Variants in NCAM1 observed in about 807,000 individuals in gnomAD.
NCAM1 encodes antigen recognized by monoclonal antibody 5.1H11.
A neutral mutation model predicts 109.8 loss-of-function variants in NCAM1; 14 were observed. The ratio of observed to expected loss-of-function variants is 0.13; its 90% CI spans 0.08 to 0.20. The LOEUF (loss-of-function observed/expected upper bound fraction) is 0.20, where lower values mean the gene tolerates loss of function less well. Ranked by LOEUF, NCAM1 falls within the 10% of genes least tolerant of loss-of-function variation. The probability of loss-of-function intolerance (pLI) is 1.00; values close to 1 mark genes in which losing one functional copy is unlikely to be tolerated. For synonymous variants in NCAM1, 418 were observed against 442.9 expected (o/e 0.94, Z 0.70); for missense variants, 774 against 1,109.9 (o/e 0.70, Z 4.30).
rs146247917 is a variant in NCAM1, at chr11:113,005,062, T to C, written c.52+43398T>C. On this transcript the variant is annotated intron_variant, in intron 1 of 19. Coordinates refer to ENST00000316851, the MANE Select transcript of NCAM1 (RefSeq NM_181351.5). ...TGATGTTCTGTCCTCCCCCAAGCTC[T>C]TGTTTTATAGATGTAGTATATTCCT... is the stretch of plus-strand genomic sequence containing the variant. Among the ~76,000 whole-genome samples the C allele has an allele frequency of 7.9e-5, 12 of 152,314 alleles. No individual in the cohort carries two copies. The East Asian group carries it at 1.9e-3, about 25-fold the overall frequency.
intron 1 of NCAM1, among the ~76,000 whole-genome samples, chr11:113,150,547 A>T (rs529085491): frequency 3.3e-5 from 5 of 152,208 alleles, no homozygotes; most frequent in Non-Finnish European, 7.3e-5. Context: ...TAGCACCAAT[A>T]TAGGCGCTGG....
chr11:113,018,092 T>A lies in NCAM1; in HGVS notation c.52+56428T>A, dbSNP rs552226473. Among the ~76,000 whole-genome samples, 7 of 152,278 alleles carry A rather than the reference T, an allele frequency of 4.6e-5. 1 individual carries two copies. In the South Asian group the frequency reaches 1.5e-3, roughly 32 times the overall value. On this transcript the variant is annotated intron_variant, in intron 1 of 19. Coordinates refer to ENST00000316851, the MANE Select transcript of NCAM1 (RefSeq NM_181351.5). ...TCTGAGGTTTAGATCTTACTTCTCT[T>A]ATGCTGTCCTGTTGGCCTATGACTT...
chr11:113,160,407 C>CA (rs1942563457), intron 1 of NCAM1, among the ~76,000 whole-genome samples: 1 of 152,150 alleles, frequency 6.6e-6, no homozygotes, highest in Non-Finnish European at 1.5e-5. Flanking sequence ...CCGAGGGCCC[C>CA]TTTTATGTTG....
intron 1 of NCAM1, among the ~76,000 whole-genome samples, chr11:113,051,325 CT>C (rs1432611845): frequency 5.9e-5 from 9 of 152,236 alleles, no homozygotes; most frequent in African/African-American, 1.9e-4. Context: ...GGGAGAGTTT[CT>C]TTTTTCCCCC....
intron 1 of NCAM1, among the ~76,000 whole-genome samples, chr11:113,160,254 T>C (rs1942556695): frequency 6.6e-6 from 1 of 152,150 alleles, no homozygotes; most frequent in African/African-American, 2.4e-5. Flanking sequence ...TCTCACCACA[T>C]TGGAGTTGAC....
chr11:112,980,010 C>T (rs1383882820), intron 1 of NCAM1, among the ~76,000 whole-genome samples: 1 of 151,738 alleles, frequency 6.6e-6, no homozygotes, highest in Non-Finnish European at 1.5e-5. Flanking sequence ...ATAGAAAGTA[C>T]TTCCTTGACC....
chr11:113,188,893 C>G (rs1186675676), intron 1 of NCAM1, among the ~76,000 whole-genome samples: 1 of 152,032 alleles, frequency 6.6e-6, no homozygotes, highest in Non-Finnish European at 1.5e-5. Context: ...TTGTCCCACT[C>G]ACATCTCTTA....
At chr11:113,244,336 C>G (rs1945434150) in intron 14 of NCAM1, among the ~76,000 whole-genome samples, 1 of 152,168 alleles carries the variant, frequency 6.6e-6, no homozygotes, top group South Asian at 2.1e-4. Context: ...AAACATCAGA[C>G]ATTTCTGCCC....
intron 1 of NCAM1, among the ~76,000 whole-genome samples, chr11:113,157,778 G>A (rs868975120): frequency 3.9e-5 from 6 of 151,990 alleles, no homozygotes; most frequent in South Asian, 4.1e-4. Context: ...ATCAAGAGGC[G>A]CTTTTTTATT....
chr11:113,266,205 A>G (rs1946131380), intron 17 of NCAM1, among the ~76,000 whole-genome samples: 1 of 152,218 alleles, frequency 6.6e-6, no homozygotes. Flanking sequence ...ATCTTGGACT[A>G]AACAATTCTG....
At chr11:113,073,844 A>G (rs1218674784) in intron 1 of NCAM1, among the ~76,000 whole-genome samples, 1 of 152,192 alleles carries the variant, frequency 6.6e-6, no homozygotes, top group Non-Finnish European at 1.5e-5. Flanking sequence ...CCTCTGTGCA[A>G]AGAAAGTTGC....
At chr11:113,188,340 CA>C (rs1225201530) in intron 1 of NCAM1, among the ~76,000 whole-genome samples, 1 of 152,156 alleles carries the variant, frequency 6.6e-6, no homozygotes, top group Admixed American at 6.5e-5. Flanking sequence ...CAGTCACCCC[CA>C]GGACTCCACA....
At chr11:113,064,940 G>A in intron 1 of NCAM1, among the ~76,000 whole-genome samples, 1 of 152,142 alleles carries the variant, frequency 6.6e-6, no homozygotes, top group East Asian at 1.9e-4. Flanking sequence ...CTTTCCAGCT[G>A]AGAGGGCTTA....
At chr11:113,011,365 T>C (rs1008839728) in intron 1 of NCAM1, among the ~76,000 whole-genome samples, 8 of 151,822 alleles carry the variant, frequency 5.3e-5, no homozygotes, top group Non-Finnish European at 5.9e-5. Flanking sequence ...TCTATCATTG[T>C]TGGACATTTG....
chr11:113,085,274 G>A (rs982396589), intron 1 of NCAM1, among the ~76,000 whole-genome samples: 2 of 152,182 alleles, frequency 1.3e-5, no homozygotes, highest in African/African-American at 4.8e-5. Flanking sequence ...AGTGAGACCC[G>A]TTATTGTTTT....
At chr11:113,116,778 T>C (rs1411399162) in intron 1 of NCAM1, among the ~76,000 whole-genome samples, 3 of 151,728 alleles carry the variant, frequency 2.0e-5, no homozygotes, top group Admixed American at 2.0e-4. Context: ...AAGAGGCTCT[T>C]TCTATGTCCT....
chr11:113,038,102 G>A (rs1459833827), intron 1 of NCAM1, among the ~76,000 whole-genome samples: 1 of 152,180 alleles, frequency 6.6e-6, no homozygotes, highest in Admixed American at 6.5e-5. Context: ...CCCTCCATCT[G>A]AAGTCTGCAC....
chr11:113,117,208 AG>A (rs1555095066), intron 1 of NCAM1, among the ~76,000 whole-genome samples: 1 of 152,040 alleles, frequency 6.6e-6, no homozygotes, highest in East Asian at 1.9e-4. Context: ...AACTGTTATG[AG>A]GGAGCAAACT....
At chr11:113,186,389 C>T (rs1419123569) in intron 1 of NCAM1, among the ~76,000 whole-genome samples, 1 of 152,220 alleles carries the variant, frequency 6.6e-6, no homozygotes, top group Non-Finnish European at 1.5e-5. Context: ...CAACCCTCTG[C>T]CGGTCCATGG....
Sources: allele counts gnomAD v4.1 joint callset (sites outside exome capture counted in the v4.1 genomes callset), GRCh38; gene constraint gnomAD v4.1.1; transcripts MANE v1.5; gene names NCBI Gene and HGNC (gene_info 2026-07-23, HGNC 2026-07-21).